Variants in PPP3CC observed in about 807,000 individuals in gnomAD.
PPP3CC encodes the protein protein phosphatase 3 catalytic subunit gamma.
A neutral mutation model predicts 60.3 loss-of-function variants in PPP3CC; 35 were observed. That is an observed-to-expected ratio of 0.58 (90% CI 0.44 to 0.77). The LOEUF (loss-of-function observed/expected upper bound fraction) is 0.77. PPP3CC is among the 30% of genes least tolerant of loss of function. The pLI is 0.00. For missense variants in PPP3CC, 570 were observed against 628.9 expected, an observed-to-expected ratio of 0.91 and a Z score of 1.00; for synonymous variants, 206 against 224.3, an observed-to-expected ratio of 0.92 and a Z score of 0.73.
chr8:22,488,788 G>A (rs1050717741), intron 3 of PPP3CC, among the ~76,000 whole-genome samples: 2 of 152,168 alleles, frequency 1.3e-5, no homozygotes, highest in Admixed American at 6.5e-5. Context: ...TGACCTGTGG[G>A]AACAAGCTGT....
At chr8:22,487,146 G>T (rs999987112) in intron 3 of PPP3CC, among the ~76,000 whole-genome samples, 1 of 152,134 alleles carries the variant, frequency 6.6e-6, no homozygotes, top group African/African-American at 2.4e-5. Flanking sequence ...TCTGCACATT[G>T]CTAAAGTTAA....
rs1839947697 is a variant in PPP3CC, at chr8:22,541,030, T to A, written c.*228T>A. 1 of 313,480 alleles carries A rather than the reference T, an allele frequency of 3.2e-6. No individual in the cohort carries two copies. The highest frequency in any genetic ancestry group is 7.2e-5 in the South Asian group (1 of 13,864). 19.4% of individuals were successfully genotyped at this position (313,480 alleles called of 1,614,324 possible). ...TTGTTTTTCCCTTTTTTCTCCATAA[T>A]TTTAAGAAATGAATCTGATTGTTGT... On this transcript the variant is annotated 3_prime_UTR_variant, in exon 14 of 14. Coordinates refer to ENST00000240139, the MANE Select transcript of PPP3CC (RefSeq NM_005605.5).
At chr8:22,471,178 AAAAG>A (rs1397816052) in intron 1 of PPP3CC, among the ~76,000 whole-genome samples, 3 of 152,206 alleles carry the variant, frequency 2.0e-5, no homozygotes, top group South Asian at 2.1e-4. Flanking sequence ...TTGGAAGACT[AAAAG>A]AAAGAGCTTG....
chr8:22,472,363 AACACACACACACACAC>A (rs71546810), intron 1 of PPP3CC, among the ~76,000 whole-genome samples: 15 of 125,716 alleles, frequency 1.2e-4, no homozygotes, highest in African/African-American at 3.1e-4. Flanking sequence ...GGTAAAAATG[AACACACACACACACAC>A]ACACACACAC....
chr8:22,480,543 A>G (rs912664601), intron 3 of PPP3CC, among the ~76,000 whole-genome samples: 3 of 152,146 alleles, frequency 2.0e-5, no homozygotes, highest in Non-Finnish European at 2.9e-5. Flanking sequence ...CAGTGGTGCA[A>G]TCTCAGCTCA....
intron 3 of PPP3CC, among the ~76,000 whole-genome samples, chr8:22,484,349 A>G (rs1293956184): frequency 6.6e-6 from 1 of 151,986 alleles, no homozygotes; most frequent in Non-Finnish European, 1.5e-5. Flanking sequence ...GTATATATAT[A>G]TAATATAAGC....
In PPP3CC at chr8:22,540,633, T is replaced by C; in HGVS notation, c.1370T>C (p.Leu457Pro). 6.2e-7 allele frequency: 1 copy of C among 1,613,656 alleles called. No homozygotes were observed. The highest frequency in any genetic ancestry group is 8.5e-7 in the Non-Finnish European group (1 of 1,179,902). Reference protein sequence around the residue: ...EAREAIRGFSLQHKIRSFEEA... With the variant: ...EAREAIRGFSPQHKIRSFEEA... ...TCTGTAGCCATCAGAGGGTTCTCGC[T>C]TCAGCACAAGATCCGGAGTTTTGAA... The change falls in exon 14 of 14, where the codon CTT becomes CCT. Residue 457 changes from leucine to proline, a missense_variant. Physicochemically the swap from Leu to Pro is moderately conservative, Grantham distance 98. Coordinates refer to ENST00000240139, the MANE Select transcript of PPP3CC (RefSeq NM_005605.5).
intron 3 of PPP3CC, among the ~76,000 whole-genome samples, chr8:22,475,842 A>C (rs564483830): frequency 1.3e-5 from 2 of 152,336 alleles, no homozygotes; most frequent in South Asian, 4.1e-4. Context: ...TATTAATATT[A>C]ACCCAATTTT....
At chr8:22,527,285 A>G in intron 8 of PPP3CC, 107 bp from the exon 9 acceptor site, 1 of 1,293,960 alleles carries the variant, frequency 7.7e-7, no homozygotes, top group Non-Finnish European at 1.1e-6. Flanking sequence ...GACTTTACAA[A>G]TGGAAAGTTC....
At chr8:22,498,495 C>G (rs1486192219) in intron 4 of PPP3CC, among the ~76,000 whole-genome samples, 1 of 152,054 alleles carries the variant, frequency 6.6e-6, no homozygotes, top group Non-Finnish European at 1.5e-5. Context: ...TAGAGGTAAT[C>G]ACTGTTATCA....
At chr8:22,454,326 C>T (rs1837125969) in intron 1 of PPP3CC, among the ~76,000 whole-genome samples, 1 of 152,184 alleles carries the variant, frequency 6.6e-6, no homozygotes, top group African/African-American at 2.4e-5. Flanking sequence ...CCTCCTGTCC[C>T]ACTGGAAGGT....
intron 4 of PPP3CC, among the ~76,000 whole-genome samples, chr8:22,504,427 G>A (rs1258457887): frequency 6.6e-6 from 1 of 151,898 alleles, no homozygotes; most frequent in Non-Finnish European, 1.5e-5. Flanking sequence ...TCAGCTTCCC[G>A]AGTAGCTGGG....
chr8:22,497,289 A>G (rs572402025), intron 3 of PPP3CC, among the ~76,000 whole-genome samples: 3 of 151,040 alleles, frequency 2.0e-5, no homozygotes, highest in Non-Finnish European at 2.9e-5. Context: ...TTGGCCTCCC[A>G]AAGTGCTGAG....
intron 1 of PPP3CC, among the ~76,000 whole-genome samples, chr8:22,453,728 T>C (rs1837104946): frequency 1.3e-5 from 2 of 152,194 alleles, no homozygotes. Flanking sequence ...AGCCTATTGC[T>C]CCTAATCTAC....
At chr8:22,484,718 G>A (rs1261313583) in intron 3 of PPP3CC, among the ~76,000 whole-genome samples, 2 of 152,162 alleles carry the variant, frequency 1.3e-5, no homozygotes, top group African/African-American at 4.8e-5. Flanking sequence ...TCCTTTTACT[G>A]TGGGCAGGCT....
intron 10 of PPP3CC, chr8:22,531,282 G>A: frequency 2.0e-6 from 3 of 1,524,910 alleles, no homozygotes; most frequent in Non-Finnish European, 2.6e-6. Context: ...CTTGTTTCTT[G>A]GTGTTTCTTC....
chr8:22,476,955 A>G (rs186473577), intron 3 of PPP3CC, among the ~76,000 whole-genome samples: 1 of 151,798 alleles, frequency 6.6e-6, no homozygotes, highest in African/African-American at 2.4e-5. Context: ...AAAAAGTTCA[A>G]TGTTAGTTGC....
rs1380182288 is a variant in PPP3CC, at chr8:22,502,858, TTA to T, written c.484+4747_484+4748del. The stretch of plus-strand genomic sequence containing the variant: ...CAGTGGGAGGTTGGGTTAGGAGGAC[TTA>T]GAGGGTTTTTTTGTTTTGTTTTTGT... On this transcript the variant is annotated intron_variant, in intron 4 of 13. Coordinates refer to ENST00000240139, the MANE Select transcript of PPP3CC (RefSeq NM_005605.5). Among the ~76,000 whole-genome samples, 4 of 152,162 alleles carry T rather than the reference TTA, an allele frequency of 2.6e-5. No homozygotes were observed. In the East Asian group the frequency reaches 7.7e-4, roughly 29 times the overall value.
At chr8:22,507,981 C>G (rs1295441187) in intron 4 of PPP3CC, among the ~76,000 whole-genome samples, 2 of 152,166 alleles carry the variant, frequency 1.3e-5, no homozygotes, top group African/African-American at 4.8e-5. Context: ...GGTACAAGTG[C>G]AGTACCTCAT....
Sources: gnomAD v4.1 joint callset for allele counts (sites outside exome capture counted in the v4.1 genomes callset) on GRCh38, gnomAD v4.1.1 for gene constraint, MANE v1.5 for transcripts, NCBI Gene and HGNC (gene_info 2026-07-23, HGNC 2026-07-21) for gene names.